Variants in ZDHHC23 observed in about 807,000 individuals in gnomAD.
ZDHHC23 encodes the protein palmitoyltransferase ZDHHC23.
A neutral mutation model predicts 40.2 loss-of-function variants in ZDHHC23; 41 were observed. The observed-to-expected ratio is 1.02, with a 90% CI of 0.79 to 1.32. ZDHHC23 has a LOEUF of 1.32. Among genes scored for constraint, ZDHHC23 ranks in the 40% most tolerant of loss-of-function variants. ZDHHC23 has a pLI of 0.00. For missense variants in ZDHHC23, 471 were observed against 541.5 expected (o/e 0.87, Z 1.29); for synonymous variants, 204 against 210.2 (o/e 0.97, Z 0.26).
chr3:113,965,556 G>T (rs1940041893), downstream of ZDHHC23, among the ~76,000 whole-genome samples: 1 of 152,042 alleles, frequency 6.6e-6, no homozygotes, highest in South Asian at 2.1e-4. Context: ...GAGAGTGACT[G>T]ATTGATTGAT....
the ZDHHC23 span, chr3:113,978,822 G>T: frequency 1.3e-6 from 2 of 1,588,018 alleles, no homozygotes; most frequent in South Asian, 2.2e-5. Flanking sequence ...ATTGAGCAAT[G>T]AGATGTATTT....
chr3:113,965,366 G>A, downstream of ZDHHC23: 1 of 1,526,964 alleles, frequency 6.5e-7, no homozygotes, highest in South Asian at 1.3e-5. Flanking sequence ...CCTCCTTTAA[G>A]AATAAAGAAG....
Position 113,948,727 on chromosome 3 carries a change from T to C in ZDHHC23, c.-76T>C. 1 of 1,562,728 alleles carries C rather than the reference T, an allele frequency of 6.4e-7. No homozygotes were observed. The highest frequency in any genetic ancestry group is 8.8e-7 in the Non-Finnish European group (1 of 1,140,674). ...AGAGAGAGAGAGGCGTGGACCTATT[T>C]ACGAGATGTAAGTTGTGTTCTTTCC... On this transcript the variant is annotated 5_prime_UTR_variant, in exon 2 of 5. Transcript: ENST00000638807.
At chr3:113,975,522 GTACTGAGCGCTGTCATA>G in the ZDHHC23 span, among the ~76,000 whole-genome samples, 1 of 152,160 alleles carries the variant, frequency 6.6e-6, no homozygotes, top group Non-Finnish European at 1.5e-5. Context: ...TGTTACCTAT[GTACTGAGCGCTGTCATA>G]TACTGAGAAC....
Position 113,954,168 on chromosome 3 carries a change from G to T in ZDHHC23, c.630G>T (p.Leu210=). The T allele has an allele frequency of 1.2e-6, 2 of 1,614,210 alleles. No homozygotes were observed. The highest frequency in any genetic ancestry group is 1.7e-6 in the Non-Finnish European group (2 of 1,180,034). ...SGDRSLSSSQ[L]ECLSRKGQEK... is the part of the protein sequence containing the mutation. ...ACAGATCTCTAAGCAGCAGCCAGCT[G>T]GAGTGCCTGAGCAGAAAAGGGCAGG... Residue 210 remains leucine, a synonymous_variant, in exon 3 of 5, where the codon CTG becomes CTT. Transcript: ENST00000638807.
At chr3:113,957,818 T>C in intron 4 of ZDHHC23, 1 of 518,588 alleles carries the variant, frequency 1.9e-6, no homozygotes, top group Non-Finnish European at 3.8e-6. Flanking sequence ...TTTAGGAGGG[T>C]GAATTTGGAA....
Position 113,953,955 on chromosome 3 carries a change from G to GT in ZDHHC23, c.422dup (p.Leu142ProfsTer61), listed in dbSNP as rs1329426774. 2 of 1,614,100 alleles carry GT rather than the reference G, an allele frequency of 1.2e-6. No homozygotes were observed. Among genetic ancestry groups the GT allele is most frequent in the Non-Finnish European group, 1.7e-6 (2 of 1,180,022 alleles). ...CTCACAGAAGGAAAGAACAGACCCT[G>GT]TTTTTCCTGAGCCTTGGACTGTTCT... is the stretch of plus-strand genomic sequence containing the variant. On this transcript the variant is annotated frameshift_variant, in exon 3 of 5. Transcript: ENST00000638807. LOFTEE classifies it high-confidence loss of function.
downstream of ZDHHC23, among the ~76,000 whole-genome samples, chr3:113,963,574 C>CAAAA (rs10526433): frequency 1.6e-4 from 8 of 50,752 alleles, no homozygotes; most frequent in Non-Finnish European, 1.8e-4. Context: ...CCATCTCTAC[C>CAAAA]AAAAAAAAAA....
chr3:113,949,158 T>C (rs897885852), intron 2 of ZDHHC23, among the ~76,000 whole-genome samples, 195 bp downstream of exon 2: 1 of 152,242 alleles, frequency 6.6e-6, no homozygotes, highest in Non-Finnish European at 1.5e-5. Flanking sequence ...CAGCTGTCTG[T>C]CTGCTCTGTT....
chr3:113,955,172 C>G (rs557143099), intron 3 of ZDHHC23, among the ~76,000 whole-genome samples: 5 of 152,186 alleles, frequency 3.3e-5, no homozygotes, highest in Admixed American at 6.5e-5. Context: ...GATTCTGGTC[C>G]TGTAGCGTAC....
chr3:113,953,437 G>A (rs963224843), intron 2 of ZDHHC23, among the ~76,000 whole-genome samples: 2 of 152,214 alleles, frequency 1.3e-5, no homozygotes, highest in Admixed American at 6.5e-5. Flanking sequence ...GTCATAAGAT[G>A]TAAACATTAC....
At chr3:113,974,324 GT>G in the ZDHHC23 span, among the ~76,000 whole-genome samples, 62 of 141,262 alleles carry the variant, frequency 4.4e-4, no homozygotes, top group East Asian at 6.1e-4. Flanking sequence ...GCTGTTTTTT[GT>G]TTTTTTTTTT....
intron 2 of ZDHHC23, among the ~76,000 whole-genome samples, chr3:113,953,421 G>A (rs1317749127): frequency 5.3e-5 from 8 of 152,116 alleles, no homozygotes; most frequent in African/African-American, 7.2e-5. Context: ...TCTTATGACC[G>A]TACAGGTCAT....
At chr3:113,978,243 C>A in the ZDHHC23 span, 1 of 1,614,074 alleles carries the variant, frequency 6.2e-7, no homozygotes, top group African/African-American at 1.3e-5. Flanking sequence ...CTTCACCTCC[C>A]TGACCATGTT....
intron 2 of ZDHHC23, among the ~76,000 whole-genome samples, chr3:113,950,936 T>C (rs1938595858): frequency 6.6e-6 from 1 of 152,208 alleles, no homozygotes; most frequent in South Asian, 2.1e-4. Flanking sequence ...CCTAACCCAG[T>C]GGGGCAAACA....
Position 113,958,852 on chromosome 3 carries a change from C to T in ZDHHC23, c.*222C>T. 1 of 1,359,942 alleles carries T rather than the reference C, an allele frequency of 7.4e-7. No individual in the cohort carries two copies. Among genetic ancestry groups the T allele is most frequent in the Non-Finnish European group, 9.6e-7 (1 of 1,037,236 alleles). 84.2% of individuals were successfully genotyped at this position (1,359,942 alleles called of 1,614,324 possible). On this transcript the variant is annotated 3_prime_UTR_variant, in exon 5 of 5. Transcript: ENST00000638807. ...AGTAGAGCCATTCCTTTCCAGTCAC[C>T]TTTTTAATTGACTCAGTTGCCTGAA... is the stretch of plus-strand genomic sequence containing the variant.
At chr3:113,978,429 A>T in the ZDHHC23 span, 1 of 1,264,218 alleles carries the variant, frequency 7.9e-7, no homozygotes, top group Non-Finnish European at 1.1e-6. Context: ...GAAACAAAAG[A>T]AACAAATGAC....
chr3:113,953,108 G>T (rs72954680), intron 2 of ZDHHC23, among the ~76,000 whole-genome samples: 4,125 of 152,204 alleles, frequency 0.027, 198 homozygotes, highest in African/African-American at 0.094. Context: ...GTCCCTGTGG[G>T]ACTAGTCTAC....
the ZDHHC23 span, among the ~76,000 whole-genome samples, chr3:113,973,170 G>A: frequency 2.4e-3 from 364 of 152,190 alleles, 3 homozygotes; most frequent in African/African-American, 7.9e-3. Context: ...GATTTTCTCA[G>A]GTAGTATGTT....
Sources: allele counts gnomAD v4.1 joint callset (sites outside exome capture counted in the v4.1 genomes callset), GRCh38; gene constraint gnomAD v4.1.1; transcripts MANE v1.5; gene names NCBI Gene and HGNC (gene_info 2026-07-23, HGNC 2026-07-21).